The following KCNT2 variants were observed in gnomAD, a reference collection of about 807,000 sequenced individuals.
The protein encoded by KCNT2 is potassium channel subfamily T member 2.
KCNT2 carries 67 observed loss-of-function variants against 153.8 expected under a neutral mutation model. The ratio of observed to expected loss-of-function variants is 0.44; its 90% CI spans 0.36 to 0.53. The LOEUF (loss-of-function observed/expected upper bound fraction) is 0.53. Ranked by LOEUF, KCNT2 falls within the 20% of genes least tolerant of loss-of-function variation. The probability of loss-of-function intolerance (pLI) is 0.00; values close to 1 mark genes in which losing one functional copy is unlikely to be tolerated. For missense variants in KCNT2, 975 were observed against 1,354.8 expected, an observed-to-expected ratio of 0.72 and a Z score of 4.40; for synonymous variants, 500 against 458.8, an observed-to-expected ratio of 1.09 and a Z score of -1.15.
chr1:196,354,352 A>G (rs1192321218), intron 14 of KCNT2, among the ~76,000 whole-genome samples: 3 of 151,686 alleles, frequency 2.0e-5, no homozygotes, highest in Admixed American at 6.6e-5. Context: ...ATGATAAATA[A>G]TTTACTTCAG....
At position 196,435,133 on chromosome 1, in the gene KCNT2, GTGTATGTATATA is replaced by G. The variant is rs1464814418; in HGVS notation, c.639-5388_639-5377del. Among the ~76,000 whole-genome samples, 108 of 87,884 alleles carry G rather than the reference GTGTATGTATATA, an allele frequency of 1.2e-3. 2 individuals are homozygous for G. Among genetic ancestry groups the G allele is most frequent in the African/African-American group, 4.2e-3 (102 of 24,378 alleles). The allele number at this position is 87,884 out of a possible 152,430, so 57.7% of individuals were successfully genotyped here. A position where few individuals can be genotyped will look rare whatever the true frequency, so the allele number is the denominator to read the frequency against. On this transcript the variant is annotated intron_variant, in intron 8 of 27. Transcript: ENST00000294725. ...TAGCAATAGATACTTATGTGTGTGT[GTGTATGTATATA>G]TATATATATATATATATATATATAT...
chr1:196,508,189 C>CAAAAAAAAAAAAAAAAAAAAAAAAAAAA (rs10539910), intron 1 of KCNT2, among the ~76,000 whole-genome samples: 3 of 59,984 alleles, frequency 5.0e-5, no homozygotes, highest in African/African-American at 1.4e-4. Flanking sequence ...CCCTAAGTAG[C>CAAAAAAAAAAAAAAAAAAAAAAAAAAAA]AAAAAAAAAA....
chr1:196,439,893 G>C (rs890916214), intron 8 of KCNT2, among the ~76,000 whole-genome samples: 1 of 151,786 alleles, frequency 6.6e-6, no homozygotes, highest in Non-Finnish European at 1.5e-5. Flanking sequence ...CTGTCGGTGG[G>C]TGTGGGTCAA....
At position 196,318,767 on chromosome 1, in the gene KCNT2, CTG is replaced by C. The variant is rs545866781; in HGVS notation, c.2348+715_2348+716del. ...ACTAAATACTTTCAAAGTTGTAAAA[CTG>C]TGTTTTCTTCAACATCTACAGGATA... On this transcript the variant is annotated intron_variant, in intron 20 of 27. Coordinates refer to ENST00000294725, the MANE Select transcript of KCNT2 (RefSeq NM_198503.5). 3.3e-5 allele frequency among the ~76,000 whole-genome samples: 5 copies of C among 151,646 alleles called. No homozygotes were observed. In the South Asian group the frequency reaches 8.3e-4, roughly 25 times the overall value.
At chr1:196,504,985 C>T (rs1218329814) in intron 1 of KCNT2, among the ~76,000 whole-genome samples, 1 of 151,990 alleles carries the variant, frequency 6.6e-6, no homozygotes, top group Admixed American at 6.6e-5. Context: ...TGGATATTAG[C>T]CTTTTGTCAG....
At chr1:196,331,861 T>C (rs1032672003) in intron 17 of KCNT2, among the ~76,000 whole-genome samples, 1 of 152,106 alleles carries the variant, frequency 6.6e-6, no homozygotes, top group Non-Finnish European at 1.5e-5. Context: ...ACTGAGCTAA[T>C]TGGTTAAAAA....
chr1:196,500,175 AAAGG>A (rs1414270056), intron 1 of KCNT2, among the ~76,000 whole-genome samples: 1 of 149,016 alleles, frequency 6.7e-6, no homozygotes, highest in Non-Finnish European at 1.5e-5. Context: ...ATAAAGGAAG[AAAGG>A]AAGGAAGGGA....
intron 1 of KCNT2, among the ~76,000 whole-genome samples, chr1:196,512,971 G>C (rs1681756651): frequency 6.6e-6 from 1 of 152,072 alleles, no homozygotes; most frequent in Non-Finnish European, 1.5e-5. Flanking sequence ...TATTGGAAAG[G>C]AAATAAACAC....
intron 1 of KCNT2, among the ~76,000 whole-genome samples, chr1:196,558,238 T>C (rs1269923955): frequency 6.6e-6 from 1 of 151,472 alleles, no homozygotes; most frequent in Non-Finnish European, 1.5e-5. Flanking sequence ...AACTCTCAAA[T>C]GTCACATGAA....
At chr1:196,362,401 C>A (rs751575134) in intron 14 of KCNT2, among the ~76,000 whole-genome samples, 1 of 152,016 alleles carries the variant, frequency 6.6e-6, no homozygotes, top group Non-Finnish European at 1.5e-5. Flanking sequence ...ATTCTGGATG[C>A]CGGAGCATGA....
rs563278676 is a variant in KCNT2, at chr1:196,233,247, T to A, written c.3296+2739A>T. On this transcript the variant is annotated intron_variant, in intron 27 of 27. Transcript: ENST00000294725. The stretch of plus-strand genomic sequence containing the variant: ...TAAGAATTCTACTAGCTTAAATTGT[T>A]ATTCATCTGTTTCCCCAATGCTCCT... Among the ~76,000 whole-genome samples the A allele has an allele frequency of 3.3e-5, 5 of 151,576 alleles. No individual in the cohort carries two copies. The South Asian group carries it at 1.0e-3, about 31-fold the overall frequency.
intron 12 of KCNT2, among the ~76,000 whole-genome samples, chr1:196,422,110 C>G (rs1481119345): frequency 6.6e-6 from 1 of 151,938 alleles, no homozygotes; most frequent in South Asian, 2.1e-4. Flanking sequence ...GCAGCCCACT[C>G]CAAATGAAAG....
At chr1:196,230,343 T>C (rs1382718429) in intron 27 of KCNT2, among the ~76,000 whole-genome samples, 2 of 151,994 alleles carry the variant, frequency 1.3e-5, no homozygotes, top group South Asian at 2.1e-4. Context: ...GTTTAAAGCA[T>C]AGTTTACTGA....
intron 1 of KCNT2, among the ~76,000 whole-genome samples, chr1:196,525,662 G>C (rs1654083559): frequency 6.6e-6 from 1 of 152,126 alleles, no homozygotes; most frequent in South Asian, 2.1e-4. Flanking sequence ...TTCATGAGGT[G>C]ATAACTGATT....
chr1:196,253,375 T>C (rs1388001853), intron 26 of KCNT2, among the ~76,000 whole-genome samples: 1 of 151,460 alleles, frequency 6.6e-6, no homozygotes, highest in Non-Finnish European at 1.5e-5. Context: ...AATACTGAAT[T>C]ATGCATTTTT....
At chr1:196,598,666 T>G (rs1196246496) in intron 1 of KCNT2, among the ~76,000 whole-genome samples, 1 of 152,360 alleles carries the variant, frequency 6.6e-6, no homozygotes, top group East Asian at 1.9e-4. Flanking sequence ...GTTGTAAACA[T>G]AGTGAATAGG....
chr1:196,311,462 GT>G (rs554145626), intron 21 of KCNT2, among the ~76,000 whole-genome samples: 88 of 151,966 alleles, frequency 5.8e-4, no homozygotes, highest in Admixed American at 2.6e-3. Flanking sequence ...CTGTTTCAAT[GT>G]TTCCATTGAC....
At chr1:196,360,084 T>G (rs2148266620) in intron 14 of KCNT2, among the ~76,000 whole-genome samples, 1 of 152,240 alleles carries the variant, frequency 6.6e-6, no homozygotes, top group South Asian at 2.1e-4. Flanking sequence ...TGAGTCTGCC[T>G]AGGAAAACAT....
At chr1:196,518,967 A>C (rs1255274782) in intron 1 of KCNT2, among the ~76,000 whole-genome samples, 1 of 152,154 alleles carries the variant, frequency 6.6e-6, no homozygotes, top group African/African-American at 2.4e-5. Flanking sequence ...AGAACTCTCT[A>C]CCCAAAAACA....
Sources: allele counts gnomAD v4.1 joint callset (sites outside exome capture counted in the v4.1 genomes callset), GRCh38; gene constraint gnomAD v4.1.1; transcripts MANE v1.5; gene names NCBI Gene and HGNC (gene_info 2026-07-23, HGNC 2026-07-21).